Variants in ANAPC7 observed in about 807,000 individuals in gnomAD.
The protein encoded by ANAPC7 is anaphase-promoting complex subunit 7.
A neutral mutation model predicts 63.3 loss-of-function variants in ANAPC7; 25 were observed. The ratio of observed to expected loss-of-function variants is 0.39; its 90% CI spans 0.29 to 0.55. The LOEUF is 0.55. Ranked by LOEUF, ANAPC7 falls within the 20% of genes least tolerant of loss-of-function variation. ANAPC7 has a pLI of 0.57. For synonymous variants in ANAPC7, 241 were observed against 251.7 expected (o/e 0.96, Z 0.40); for missense variants, 516 against 691.7 (o/e 0.75, Z 2.85).
In ANAPC7 at chr12:110,386,454, T is replaced by C. The variant is rs1882459708; in HGVS notation, c.690A>G (p.Lys230=). The change falls in exon 6 of 11, where the codon AAA becomes AAG. Residue 230 remains lysine (K), a synonymous_variant. Transcript: ENST00000455511. ...GGTCCACGTTATCTCGCAATAAGGA[T>C]TTTTTCTCTAGTGAACTTTAAGATA... ...AISTICSLEK[K]SLLRDNVDLL... 1.2e-6 allele frequency: 2 copies of C among 1,612,056 alleles called. No homozygotes were observed. Among genetic ancestry groups the C allele is most frequent in the East Asian group, 4.5e-5 (2 of 44,852 alleles).
chr12:110,379,050 T>C (rs888655101), intron 8 of ANAPC7: 1 of 151,800 alleles, frequency 6.6e-6, no homozygotes, highest in African/African-American at 2.4e-5. Flanking sequence ...TTAGTAGAGA[T>C]GGTAGTTCAC....
intron 10 of ANAPC7, chr12:110,375,409 T>G (rs1881174839): frequency 2.0e-6 from 2 of 985,096 alleles, no homozygotes; most frequent in Non-Finnish European, 2.4e-6. Context: ...CAGACTCTAT[T>G]AAAGACAGCC....
chr12:110,391,251 A>T (rs545703820), intron 3 of ANAPC7, among the ~76,000 whole-genome samples: 83 of 152,252 alleles, frequency 5.5e-4, no homozygotes, highest in Middle Eastern at 3.4e-3. Flanking sequence ...AAACATCATA[A>T]AGCCACATTC....
At chr12:110,387,632 G>T in intron 5 of ANAPC7, 107 bp downstream of exon 5, 1 of 1,332,236 alleles carries the variant, frequency 7.5e-7, no homozygotes, top group Non-Finnish European at 1.0e-6. Flanking sequence ...ACTGGCTGCA[G>T]CACCAACAGC....
rs769773172 is a variant in ANAPC7, at chr12:110,403,573, C to G, written c.55G>C (p.Val19Leu). The part of the protein sequence containing the change: ...DMAAAGLHSN[V>L]RLLSSLLLTM... ...AGTAACAAGCTGCTGAGGAGCCGCA[C>G]GTTGGAGTGCAGCCCCGCGGCCGCC... The change falls in exon 1 of 11, where the codon GTG (valine) becomes CTG (leucine). Residue 19 changes from valine to leucine, a missense_variant. Val to Leu is a conservative substitution (Grantham distance 32). Around this residue, in one of 4 missense-constraint regions of ANAPC7, gnomAD observed 185 missense variants for 200.3 expected, o/e 0.92. Coordinates refer to ENST00000455511, the MANE Select transcript of ANAPC7 (RefSeq NM_016238.3). The G allele has an allele frequency of 6.2e-7, 1 of 1,609,086 alleles. No homozygotes were observed. The highest frequency in any genetic ancestry group is 2.2e-5 in the East Asian group (1 of 44,692).
chr12:110,393,622 C>T (rs970192881), intron 3 of ANAPC7, among the ~76,000 whole-genome samples: 6 of 152,048 alleles, frequency 3.9e-5, no homozygotes, highest in African/African-American at 1.4e-4. Flanking sequence ...AACCCCAGCA[C>T]TCTGTGAGGC....
intron 5 of ANAPC7, 82 bp from the exon 6 acceptor site, chr12:110,386,551 A>G (rs1882472013): frequency 3.2e-6 from 4 of 1,235,012 alleles, no homozygotes; most frequent in African/African-American, 1.5e-5. Context: ...TTGGTCATAC[A>G]GATACTATTT....
intron 8 of ANAPC7, among the ~76,000 whole-genome samples, chr12:110,380,796 T>C (rs1881760252): frequency 6.8e-6 from 1 of 146,412 alleles, no homozygotes; most frequent in South Asian, 2.1e-4. Flanking sequence ...CTACTAAAAA[T>C]ACAAAAAATT....
intron 3 of ANAPC7, among the ~76,000 whole-genome samples, chr12:110,389,774 T>C (rs905622164): frequency 2.0e-5 from 3 of 151,408 alleles, no homozygotes; most frequent in African/African-American, 4.8e-5. Context: ...TACTAAAAAA[T>C]ACAAAAAATT....
chr12:110,379,603 CAGAACAA>C (rs1405044281), intron 8 of ANAPC7, among the ~76,000 whole-genome samples: 3 of 152,172 alleles, frequency 2.0e-5, no homozygotes, highest in Non-Finnish European at 4.4e-5. Flanking sequence ...GAGCTTCTTT[CAGAACAA>C]AGACAATACT....
intron 1 of ANAPC7, among the ~76,000 whole-genome samples, chr12:110,396,840 T>C (rs2062146738): frequency 6.6e-6 from 1 of 151,824 alleles, no homozygotes; most frequent in South Asian, 2.1e-4. Flanking sequence ...CAGTCTGAGA[T>C]ATATCTATCC....
At chr12:110,380,915 G>A (rs1881776215) in intron 8 of ANAPC7, among the ~76,000 whole-genome samples, 1 of 151,922 alleles carries the variant, frequency 6.6e-6, no homozygotes, top group South Asian at 2.1e-4. Context: ...TCCAGCCTGG[G>A]CAACAAAGCG....
At chr12:110,375,609 G>C in intron 10 of ANAPC7, 4 of 789,568 alleles carry the variant, frequency 5.1e-6, no homozygotes, top group Non-Finnish European at 6.1e-6. Flanking sequence ...TATAGACAAG[G>C]AAATGTGTTA....
In ANAPC7 at chr12:110,382,889, G is replaced by C. The variant is rs1189332378; in HGVS notation, c.889C>G (p.Leu297Val). 6.2e-7 allele frequency: 1 copy of C among 1,613,954 alleles called. No individual in the cohort carries two copies. The highest frequency in any genetic ancestry group is 8.5e-7 in the Non-Finnish European group (1 of 1,179,924). The stretch of plus-strand genomic sequence containing the variant: ...GCATGCTGATCAGAGATATTGAAAA[G>C]GCGGCATCCAAGGTTCTCAACATCC... ...LEDVENLGCRLFNISDQHAEP... is the reference protein window; with the variant it reads ...LEDVENLGCRVFNISDQHAEP... Residue 297 changes from leucine (L) to valine (V), a missense_variant, in exon 7 of 11, where the codon CTT becomes GTT. This residue lies in a region of ANAPC7 where 199 missense variants were observed against 249.3 expected (regional missense o/e 0.80). Coordinates refer to ENST00000455511, the MANE Select transcript of ANAPC7 (RefSeq NM_016238.3).
Position 110,381,954 on chromosome 12 carries a change from G to GAAAAAAAAAAAAAAAAAAAAACAAAAAAA in ANAPC7, c.936-7_936-6insTTTTTTTGTTTTTTTTTTTTTTTTTTTTT. On this transcript the variant is annotated splice_polypyrimidine_tract_variant and splice_region_variant and intron_variant, in intron 7 of 10. Transcript: ENST00000455511. ...TGCTATAGAAGCTGTGACAGCTGGA[G>GAAAAAAAAAAAAAAAAAAAAACAAAAAAA]AAAAAAAAAAAAAAAAAAACACAAA... 1 of 975,626 alleles carries GAAAAAAAAAAAAAAAAAAAAACAAAAAAA rather than the reference G, an allele frequency of 1.0e-6. No homozygotes were observed. The highest frequency in any genetic ancestry group is 1.3e-6 in the Non-Finnish European group (1 of 742,916). 60.4% of individuals were successfully genotyped at this position (975,626 alleles called of 1,614,324 possible).
At chr12:110,401,590 C>T (rs2138000128) in intron 1 of ANAPC7, among the ~76,000 whole-genome samples, 1 of 152,192 alleles carries the variant, frequency 6.6e-6, no homozygotes, top group Middle Eastern at 3.4e-3. Flanking sequence ...ACGCTTGGTG[C>T]ATTCAAATAA....
intron 8 of ANAPC7, chr12:110,377,843 C>T (rs1351446699): frequency 7.1e-7 from 1 of 1,403,034 alleles, no homozygotes; most frequent in African/African-American, 1.4e-5. Context: ...TTCAAAGGCA[C>T]CTTCAGTTTA....
At chr12:110,396,125 A>G in intron 2 of ANAPC7, 141 bp downstream of exon 2, 1 of 712,944 alleles carries the variant, frequency 1.4e-6, no homozygotes, top group East Asian at 2.7e-5. Context: ...AGGCAGTAAT[A>G]TTCACTAGCC....
chr12:110,398,708 A>G (rs1198780115), intron 1 of ANAPC7, among the ~76,000 whole-genome samples: 1 of 152,172 alleles, frequency 6.6e-6, no homozygotes, highest in East Asian at 1.9e-4. Context: ...TTGTAATCCC[A>G]GCACTTTGTG....
Sources: allele counts gnomAD v4.1 joint callset (sites outside exome capture counted in the v4.1 genomes callset), GRCh38; gene constraint gnomAD v4.1.1; regional missense constraint gnomAD v4.1.1; transcripts MANE v1.5; gene names NCBI Gene and HGNC (gene_info 2026-07-23, HGNC 2026-07-21).